GPC5: variants seen among roughly 807,000 people sequenced by gnomAD.
GPC5 encodes the protein glypican-5.
A neutral mutation model predicts 53.9 loss-of-function variants in GPC5; 47 were observed. The observed-to-expected ratio is 0.87, with a 90% CI of 0.69 to 1.11. GPC5 has a LOEUF of 1.11. GPC5 is among the 50% of genes most tolerant of loss of function. The pLI, the probability that GPC5 is intolerant of heterozygous loss-of-function variation, is 0.00. For synonymous variants in GPC5, 286 were observed against 263.3 expected (o/e 1.09, Z -0.84); for missense variants, 748 against 713.1 (o/e 1.05, Z -0.56).
chr13:92,212,218 G>T (rs1717076119), intron 7 of GPC5, among the ~76,000 whole-genome samples: 1 of 152,088 alleles, frequency 6.6e-6, no homozygotes, highest in Admixed American at 6.6e-5. Flanking sequence ...TTATGAAGTA[G>T]GTACCATTAG....
intron 2 of GPC5, among the ~76,000 whole-genome samples, chr13:91,467,521 G>T (rs1405465921): frequency 6.6e-6 from 1 of 151,846 alleles, no homozygotes; most frequent in Non-Finnish European, 1.5e-5. Flanking sequence ...TATGCTCTCA[G>T]TTCTCTGCCC....
At chr13:92,523,581 A>G (rs1450725402) in intron 7 of GPC5, among the ~76,000 whole-genome samples, 1 of 152,056 alleles carries the variant, frequency 6.6e-6, no homozygotes, top group Admixed American at 6.6e-5. Flanking sequence ...TTAGAAGCAA[A>G]ATTTCTAGGT....
chr13:92,830,546 T>A (rs1275128664), intron 7 of GPC5, among the ~76,000 whole-genome samples: 1 of 152,114 alleles, frequency 6.6e-6, no homozygotes, highest in Non-Finnish European at 1.5e-5. Flanking sequence ...AGAATAATAA[T>A]GAGAATAAAC....
At chr13:92,390,407 CAT>C (rs1417765771) in intron 7 of GPC5, among the ~76,000 whole-genome samples, 1 of 151,950 alleles carries the variant, frequency 6.6e-6, no homozygotes, top group Non-Finnish European at 1.5e-5. Context: ...TTTTCAAAAA[CAT>C]AAGCTGATTT....
At chr13:92,098,532 G>T (rs558011445) in intron 6 of GPC5, among the ~76,000 whole-genome samples, 3 of 152,182 alleles carry the variant, frequency 2.0e-5, no homozygotes, top group East Asian at 3.9e-4. Context: ...TATGTGACAC[G>T]AATAGGTATC....
intron 7 of GPC5, among the ~76,000 whole-genome samples, chr13:92,585,278 C>T (rs1250799474): frequency 6.6e-6 from 1 of 152,134 alleles, no homozygotes; most frequent in Non-Finnish European, 1.5e-5. Flanking sequence ...GTGGAGGTGC[C>T]CAAGACCATG....
chr13:91,414,332 C>G (rs1878026418), intron 1 of GPC5, among the ~76,000 whole-genome samples: 1 of 152,220 alleles, frequency 6.6e-6, no homozygotes, highest in African/African-American at 2.4e-5. Context: ...GCCTGCTTCT[C>G]CTTTGCCTTC....
At chr13:91,918,818 T>C (rs2039683721) in intron 6 of GPC5, among the ~76,000 whole-genome samples, 1 of 152,194 alleles carries the variant, frequency 6.6e-6, no homozygotes, top group South Asian at 2.1e-4. Flanking sequence ...ATGTATCTCT[T>C]TATTTCCTTT....
Position 92,295,669 on chromosome 13 carries a change from G to A in GPC5, c.1561+150680G>A, listed in dbSNP as rs929905149. On this transcript the variant is annotated intron_variant, in intron 7 of 7. Coordinates refer to ENST00000377067, the MANE Select transcript of GPC5 (RefSeq NM_004466.6). ...TAGGTGCATATATGTTTAGAATTGT[G>A]ACAGTTTTCTGTTGGACAAGGCCTT... Among the ~76,000 whole-genome samples, 9 of 152,282 alleles carry A rather than the reference G, an allele frequency of 5.9e-5. No homozygotes were observed. In the Middle Eastern group the frequency reaches 0.01, roughly 173 times the overall value.
chr13:92,132,832 A>C (rs533022955), intron 6 of GPC5, among the ~76,000 whole-genome samples: 17 of 152,282 alleles, frequency 1.1e-4, no homozygotes, highest in African/African-American at 3.8e-4. Flanking sequence ...TTAAAATCCC[A>C]AAATTAGCCT....
At chr13:92,528,765 G>C (rs930135476) in intron 7 of GPC5, among the ~76,000 whole-genome samples, 1 of 151,832 alleles carries the variant, frequency 6.6e-6, no homozygotes, top group African/African-American at 2.4e-5. Flanking sequence ...TAAAAATTGA[G>C]TTCTATTTTA....
chr13:91,579,721 T>G (rs905836389), intron 2 of GPC5, among the ~76,000 whole-genome samples: 2 of 143,300 alleles, frequency 1.4e-5, no homozygotes, highest in Non-Finnish European at 3.0e-5. Flanking sequence ...TTCTGCCCCC[T>G]GGGTTCAAGA....
At chr13:92,754,196 T>A (rs1166711806) in intron 7 of GPC5, among the ~76,000 whole-genome samples, 1 of 152,122 alleles carries the variant, frequency 6.6e-6, no homozygotes, top group Non-Finnish European at 1.5e-5. Context: ...AAGACAAGAA[T>A]TTTCAACCCA....
At chr13:92,435,916 A>C (rs191375732) in intron 7 of GPC5, among the ~76,000 whole-genome samples, 158 of 152,306 alleles carry the variant, frequency 1.0e-3, no homozygotes, top group Non-Finnish European at 1.7e-3. Flanking sequence ...CATATATCTA[A>C]AATACAGCAC....
At chr13:92,548,060 C>G (rs1353347221) in intron 7 of GPC5, among the ~76,000 whole-genome samples, 1 of 148,900 alleles carries the variant, frequency 6.7e-6, no homozygotes, top group Non-Finnish European at 1.5e-5. Context: ...AGGATGGTCT[C>G]GATCTCCTGA....
chr13:91,991,646 G>GACTTTTTT (rs1209955491), intron 6 of GPC5, among the ~76,000 whole-genome samples: 3 of 151,952 alleles, frequency 2.0e-5, no homozygotes, highest in South Asian at 2.1e-4. Flanking sequence ...TGTGTTTACA[G>GACTTTTTT]ACTTTTTTTG....
chr13:92,729,408 C>A, intron 7 of GPC5, among the ~76,000 whole-genome samples: 1 of 151,270 alleles, frequency 6.6e-6, no homozygotes, highest in East Asian at 1.9e-4. Context: ...CAATGTATTT[C>A]AAAATCTTAG....
chr13:92,678,262 GA>G (rs1302553648), intron 7 of GPC5, among the ~76,000 whole-genome samples: 1 of 152,152 alleles, frequency 6.6e-6, no homozygotes, highest in Non-Finnish European at 1.5e-5. Flanking sequence ...AAATAATTAA[GA>G]AATACAGTTT....
At chr13:92,226,375 T>C (rs1015997666) in intron 7 of GPC5, among the ~76,000 whole-genome samples, 1 of 152,198 alleles carries the variant, frequency 6.6e-6, no homozygotes, top group Non-Finnish European at 1.5e-5. Flanking sequence ...TTTCTCCATG[T>C]TAACATTTTC....
Sources: gnomAD v4.1 joint callset for allele counts (sites outside exome capture counted in the v4.1 genomes callset) on GRCh38, gnomAD v4.1.1 for gene constraint, MANE v1.5 for transcripts, NCBI Gene and HGNC (gene_info 2026-07-23, HGNC 2026-07-21) for gene names.